The following SLC24A2 variants were observed in gnomAD, a reference collection of about 807,000 sequenced individuals.
SLC24A2 encodes solute carrier family 24 member 2.
Under a neutral mutation model 62.0 loss-of-function variants are expected in SLC24A2, and 36 were observed. The observed-to-expected ratio is 0.58, with a 90% CI of 0.44 to 0.77. SLC24A2 has a LOEUF of 0.77. SLC24A2 is among the 30% of genes least tolerant of loss of function. The pLI, the probability that SLC24A2 is intolerant of heterozygous loss-of-function variation, is 0.00. For synonymous variants in SLC24A2, 358 were observed against 294.0 expected (o/e 1.22, Z -2.23); for missense variants, 846 against 817.9 (o/e 1.03, Z -0.42).
the SLC24A2 span, among the ~76,000 whole-genome samples, chr9:19,896,403 T>G: frequency 6.6e-6 from 1 of 152,232 alleles, no homozygotes; most frequent in Admixed American, 6.5e-5. Context: ...GTACAGTGCT[T>G]GAGCTTTGAA....
chr9:19,814,301 G>T, the SLC24A2 span, among the ~76,000 whole-genome samples: 1 of 152,160 alleles, frequency 6.6e-6, no homozygotes, highest in Non-Finnish European at 1.5e-5. Flanking sequence ...TAAGCAACTA[G>T]CACTCTGTTC....
chr9:19,583,905 T>G (rs373035350), intron 5 of SLC24A2, among the ~76,000 whole-genome samples: 2 of 152,344 alleles, frequency 1.3e-5, no homozygotes, highest in Non-Finnish European at 1.5e-5. Context: ...CTCCTCATTT[T>G]TTTTATTAAG....
At chr9:19,948,300 T>C in the SLC24A2 span, among the ~76,000 whole-genome samples, 1 of 152,202 alleles carries the variant, frequency 6.6e-6, no homozygotes, top group East Asian at 1.9e-4. Flanking sequence ...GATGTTCCAA[T>C]AAAAATGAAG....
the SLC24A2 span, among the ~76,000 whole-genome samples, chr9:20,227,713 T>G: frequency 2.0e-5 from 3 of 152,236 alleles, no homozygotes; most frequent in East Asian, 3.9e-4. Context: ...CTATGTTCAA[T>G]AGCCACCTGA....
intron 5 of SLC24A2, among the ~76,000 whole-genome samples, chr9:19,594,012 C>T (rs951644894): frequency 1.3e-5 from 2 of 151,882 alleles, no homozygotes; most frequent in Non-Finnish European, 2.9e-5. Flanking sequence ...GCATCTATCC[C>T]TTCATCCTTT....
chr9:19,922,246 T>C, the SLC24A2 span, among the ~76,000 whole-genome samples: 1 of 152,134 alleles, frequency 6.6e-6, no homozygotes, highest in Non-Finnish European at 1.5e-5. Context: ...TTCAGGGAAT[T>C]CTATTTTTTC....
chr9:20,277,642 C>G, the SLC24A2 span, among the ~76,000 whole-genome samples: 1 of 152,186 alleles, frequency 6.6e-6, no homozygotes, highest in Non-Finnish European at 1.5e-5. Context: ...ATTGGTGGGA[C>G]TGTGAACTAG....
chr9:20,301,264 C>G, the SLC24A2 span, among the ~76,000 whole-genome samples: 1 of 152,220 alleles, frequency 6.6e-6, no homozygotes, highest in Non-Finnish European at 1.5e-5. Context: ...CCCCCTTTGT[C>G]TCACAGGCTG....
At chr9:19,559,662 T>C (rs1047337811) in intron 7 of SLC24A2, among the ~76,000 whole-genome samples, 1 of 152,146 alleles carries the variant, frequency 6.6e-6, no homozygotes, top group African/African-American at 2.4e-5. Flanking sequence ...AAATGAAAGG[T>C]GCCCCCCCAG....
chr9:20,032,650 T>G, the SLC24A2 span, among the ~76,000 whole-genome samples: 1 of 152,182 alleles, frequency 6.6e-6, no homozygotes, highest in Non-Finnish European at 1.5e-5. Flanking sequence ...ACTTAGGTCA[T>G]TGAGTGCTCA....
At chr9:20,180,868 C>A in the SLC24A2 span, among the ~76,000 whole-genome samples, 4 of 152,262 alleles carry the variant, frequency 2.6e-5, no homozygotes, top group South Asian at 6.2e-4. Flanking sequence ...CATAGCTTGC[C>A]ACTAAAAGTG....
At chr9:20,202,171 C>G in the SLC24A2 span, among the ~76,000 whole-genome samples, 1 of 151,604 alleles carries the variant, frequency 6.6e-6, no homozygotes, top group African/African-American at 2.4e-5. Flanking sequence ...AGAAGAAGTG[C>G]TACTAGCAGC....
chr9:19,681,403 C>T (rs1275186195), intron 2 of SLC24A2, among the ~76,000 whole-genome samples: 1 of 152,142 alleles, frequency 6.6e-6, no homozygotes, highest in Non-Finnish European at 1.5e-5. Context: ...TCATGCTTTT[C>T]CATAGCCCTT....
At chr9:19,769,001 C>T (rs577504795) in intron 2 of SLC24A2, among the ~76,000 whole-genome samples, 3 of 152,326 alleles carry the variant, frequency 2.0e-5, no homozygotes, top group Non-Finnish European at 4.4e-5. Context: ...TCTACACTCT[C>T]GTGTCTGAAC....
intron 10 of SLC24A2, 84 bp from the exon 11 acceptor site, chr9:19,516,486 T>A (rs1309425291): frequency 6.8e-7 from 1 of 1,467,972 alleles, no homozygotes; most frequent in Non-Finnish European, 9.4e-7. Flanking sequence ...TATAACCTAT[T>A]ATTACCTTCT....
intron 2 of SLC24A2, among the ~76,000 whole-genome samples, chr9:19,722,772 G>A (rs905303385): frequency 3.3e-5 from 5 of 152,032 alleles, no homozygotes; most frequent in East Asian, 1.9e-4. Flanking sequence ...CAAAAAAGAA[G>A]ATGACCCCCA....
At position 19,515,696 on chromosome 9, in the gene SLC24A2, A is replaced by G. The variant is rs1832893512; in HGVS notation, c.*457T>C. 6.6e-6 allele frequency: 1 copy of G among 151,178 alleles called. No homozygotes were observed. Among genetic ancestry groups the G allele is most frequent in the Non-Finnish European group, 1.5e-5 (1 of 67,896 alleles). 9.4% of individuals were successfully genotyped at this position (151,178 alleles called of 1,614,324 possible). On this transcript the variant is annotated 3_prime_UTR_variant, in exon 11 of 11. Coordinates refer to ENST00000341998, the MANE Select transcript of SLC24A2 (RefSeq NM_020344.4). Reference sequence around the variant, plus strand: ...TGTACTTTTATATATATCTGATTTTATATATATATATATAATTTTTCTTTG... The same window carrying G: ...TGTACTTTTATATATATCTGATTTTGTATATATATATATAATTTTTCTTTG...
At chr9:19,794,874 CAAA>C in the SLC24A2 span, among the ~76,000 whole-genome samples, 67 of 150,088 alleles carry the variant, frequency 4.5e-4, no homozygotes, top group African/African-American at 1.6e-3. Flanking sequence ...CTTTATGACT[CAAA>C]AAAAAAAAAA....
the SLC24A2 span, among the ~76,000 whole-genome samples, chr9:19,800,623 G>A: frequency 6.6e-6 from 1 of 151,500 alleles, no homozygotes; most frequent in Non-Finnish European, 1.5e-5. Flanking sequence ...GGAAAAACAT[G>A]TATTATACAG....
Sources: allele counts gnomAD v4.1 joint callset (sites outside exome capture counted in the v4.1 genomes callset), GRCh38; gene constraint gnomAD v4.1.1; transcripts MANE v1.5; gene names NCBI Gene and HGNC (gene_info 2026-07-23, HGNC 2026-07-21).